ATP8B3: variants seen among roughly 807,000 people sequenced by gnomAD.
ATP8B3 encodes ATPase phospholipid transporting 8B3.
Under a neutral mutation model 140.9 loss-of-function variants are expected in ATP8B3, and 141 were observed. That is an observed-to-expected ratio of 1.00 (90% CI 0.87 to 1.15). ATP8B3 has a LOEUF of 1.15. ATP8B3 is among the 50% of genes most tolerant of loss of function. The pLI, the probability that ATP8B3 is intolerant of heterozygous loss-of-function variation, is 0.00. For missense variants in ATP8B3, 1,874 were observed against 1,740.6 expected (o/e 1.08, Z -1.36); for synonymous variants, 765 against 714.6 (o/e 1.07, Z -1.13).
chr19:1,808,226 A>G lies in ATP8B3; in HGVS notation c.512T>C (p.Leu171Pro). 6.2e-7 allele frequency: 1 copy of G among 1,609,574 alleles called. No individual in the cohort carries two copies. Among genetic ancestry groups the G allele is most frequent in the Non-Finnish European group, 8.5e-7 (1 of 1,177,042 alleles). Residue 171 changes from leucine to proline, a missense_variant, in exon 5 of 29, where the codon CTG (leucine) becomes CCG (proline). By Grantham distance (98) the Leu-to-Pro change is moderately conservative. This residue lies in a region of ATP8B3 where 1,032 missense variants were observed against 963.6 expected (regional missense o/e 1.07). Transcript: ENST00000310127. ...SNLFFLIIII[L>P]QSIPDISTLP... ...GGAGGAGGCAACACGCCTCACCTGC[A>G]GGATGATGATGATGAGGAAGAACAG...
chr19:1,790,009 G>C lies in ATP8B3; in HGVS notation c.2379-20C>G. 1 of 1,584,836 alleles carries C rather than the reference G, an allele frequency of 6.3e-7. No homozygotes were observed. Among genetic ancestry groups the C allele is most frequent in the Non-Finnish European group, 8.6e-7 (1 of 1,156,494 alleles). On this transcript the variant is annotated intron_variant, in intron 21 of 28. Transcript: ENST00000310127. ...ATGCGGCTGCGGGGCGCAGGGGTCA[G>C]CGGGGCAGGGGAGGGGGCGGGCTTC...
rs774574577 is a variant in ATP8B3 at position 1,802,484 on chromosome 19, T to G, written c.1063+3A>C. On this transcript the variant is annotated splice_donor_region_variant and intron_variant, in intron 11 of 28. Coordinates refer to ENST00000310127, the MANE Select transcript of ATP8B3 (RefSeq NM_138813.4). ...CCACTCCAGGACCCTGGAGCAGCCGTACCAGCATAAATGACCAGTCCATAG... is the reference window on the plus strand; with the variant it reads ...CCACTCCAGGACCCTGGAGCAGCCGGACCAGCATAAATGACCAGTCCATAG... 20 of 1,346,314 alleles carry G rather than the reference T, an allele frequency of 1.5e-5. No homozygotes were observed. In the South Asian group the frequency reaches 2.3e-4, roughly 15 times the overall value. The allele number at this position is 1,346,314 out of a possible 1,614,324, so 83.4% of individuals were successfully genotyped here.
rs1472283257 is a variant in ATP8B3, at chr19:1,806,030, C to T, written c.750+67G>A. 6.2e-7 allele frequency: 1 copy of T among 1,605,424 alleles called. No individual in the cohort carries two copies. The highest frequency in any genetic ancestry group is 8.5e-7 in the Non-Finnish European group (1 of 1,175,730). On this transcript the variant is annotated intron_variant, in intron 8 of 28. Coordinates refer to ENST00000310127, the MANE Select transcript of ATP8B3 (RefSeq NM_138813.4). The surrounding 1 kb of genome is among the most constrained non-coding windows in gnomAD (Gnocchi z 5.6). ...ATTGGGGGTGCGGCAGCCCTCCCCA[C>T]CCTGGGAGGGGTGCTCTCGGTGAGG...
chr19:1,797,074 C>A (rs994356473), intron 14 of ATP8B3, 69 bp from the exon 15 acceptor site: 10 of 1,604,864 alleles, frequency 6.2e-6, no homozygotes, highest in Non-Finnish European at 8.5e-6. Flanking sequence ...TAGCCCCTGA[C>A]CCCTAGTTTC....
intron 20 of ATP8B3, 89 bp downstream of exon 20, chr19:1,791,660 TG>T: frequency 9.8e-7 from 1 of 1,023,492 alleles, no homozygotes; most frequent in Non-Finnish European, 1.5e-6. Context: ...CCCAAAGTGC[TG>T]GGATGACAGG....
At chr19:1,808,913 C>T (rs1202952551) in intron 4 of ATP8B3, among the ~76,000 whole-genome samples, 1 of 152,190 alleles carries the variant, frequency 6.6e-6, no homozygotes, top group Non-Finnish European at 1.5e-5. Context: ...TGGCTCACCC[C>T]TGTAATCCCA....
rs182855776 is a variant in ATP8B3, at chr19:1,795,925, G to A, written c.2005C>T (p.Arg669Cys). 1.7e-4 allele frequency: 277 copies of A among 1,613,068 alleles called. No individual in the cohort carries two copies. In the African/African-American group the frequency reaches 3.0e-3, roughly 17 times the overall value. Residue 669 changes from arginine (R) to cysteine (C), a missense_variant, in exon 18 of 29, where the codon CGC (arginine) becomes TGC (cysteine). Physicochemically the swap from Arg to Cys is radical, Grantham distance 180. This residue lies in a region of ATP8B3 where 1,032 missense variants were observed against 963.6 expected (regional missense o/e 1.07). Transcript: ENST00000310127. ...TCCATTGCCCCCCTCCTGTGCAAGC[G>A]TTCGAAGATGACCGTGTCGGCGCCC... ...TKGADTVIFE[R>C]LHRRGAMEFA... is the part of the protein sequence containing the mutation.
chr19:1,806,221 C>A lies in ATP8B3; in HGVS notation c.678-52G>T. On this transcript the variant is annotated intron_variant, in intron 7 of 28. Transcript: ENST00000310127. The surrounding 1 kb of genome is among the most constrained non-coding windows in gnomAD (Gnocchi z 5.6). ...GGCCCCTCCCTCTGCCAACCCTCCC[C>A]ACACCGGGAGACCAGAGGCACGGGA... 6.5e-7 allele frequency: 1 copy of A among 1,549,868 alleles called. No individual in the cohort carries two copies.
In ATP8B3 at chr19:1,790,815, C is replaced by T. The variant is rs201272236; in HGVS notation, c.2320G>A (p.Gly774Ser). 167 of 1,602,992 alleles carry T rather than the reference C, an allele frequency of 1.0e-4. No homozygotes were observed. Among genetic ancestry groups the T allele is most frequent in the Non-Finnish European group, 1.4e-4 (162 of 1,175,962 alleles). ...TCTGACAGCAGCTCGCAGGCGAAGCCGATGTTCACAGCCGTTTCTGCGAAG... is the reference window on the plus strand; with the variant it reads ...TCTGACAGCAGCTCGCAGGCGAAGCTGATGTTCACAGCCGTTTCTGCGAAG... The part of the protein sequence containing the change: ...GDKQETAVNI[G>S]FACELLSENM... Residue 774 changes from glycine (G) to serine (S), a missense_variant, in exon 21 of 29, where the codon GGC (glycine) becomes AGC (serine). Physicochemically the swap from Gly to Ser is moderately conservative, Grantham distance 56. Transcript: ENST00000310127.
In ATP8B3 at chr19:1,782,851, G is replaced by C. The variant is rs542661585; in HGVS notation, c.*177C>G. On this transcript the variant is annotated 3_prime_UTR_variant, in exon 29 of 29. Transcript: ENST00000310127. ...GCTCTTGGAAAGACTCAGATAGCCTGTTGCTGCTGGTGAGCACATATTTGG... is the reference window on the plus strand; with the variant it reads ...GCTCTTGGAAAGACTCAGATAGCCTCTTGCTGCTGGTGAGCACATATTTGG... The C allele has an allele frequency of 2.4e-4, 190 of 786,220 alleles. No homozygotes were observed. In the African/African-American group the frequency reaches 3.1e-3, roughly 13 times the overall value. 48.7% of individuals were successfully genotyped at this position (786,220 alleles called of 1,614,324 possible). A position where few individuals can be genotyped will look rare whatever the true frequency, so the allele number is the denominator to read the frequency against.
chr19:1,795,860 C>A lies in ATP8B3; in HGVS notation c.2055+15G>T. 1 of 1,577,438 alleles carries A rather than the reference C, an allele frequency of 6.3e-7. No homozygotes were observed. The highest frequency in any genetic ancestry group is 8.7e-7 in the Non-Finnish European group (1 of 1,152,838). ...ACACACACACACATAAGCCAGCCTT[C>A]CTGAAGGGACTCACAGCCAAGGCCT... On this transcript the variant is annotated intron_variant, in intron 18 of 28. Transcript: ENST00000310127.
rs948109449 is a variant in ATP8B3, at chr19:1,784,977, T to C, written c.3533-31A>G. 3.2e-6 allele frequency: 5 copies of C among 1,586,582 alleles called. No homozygotes were observed. The African/African-American group carries it at 5.4e-5, about 17-fold the overall frequency. ...GACAGGGCGGGGTCACAGCAGAGCC[T>C]ACCCCCAGCTCCAAGGATGCCCCCA... On this transcript the variant is annotated intron_variant, in intron 27 of 28. Coordinates refer to ENST00000310127, the MANE Select transcript of ATP8B3 (RefSeq NM_138813.4).
intron 19 of ATP8B3, 49 bp downstream of exon 19, chr19:1,791,952 G>GCC: frequency 3.3e-6 from 4 of 1,208,612 alleles, no homozygotes; most frequent in Non-Finnish European, 4.7e-6. Context: ...CCCCTTGGGT[G>GCC]CCCCCGCTGC....
Position 1,807,577 on chromosome 19 carries a change from C to G in ATP8B3, c.517-311G>C, listed in dbSNP as rs766530585. ...CCAAGCTTGGCCGCCACTGCTCCCC[C>G]TCCCTCCCATGTCCCTGCTTCCCCA... On this transcript the variant is annotated intron_variant, in intron 5 of 28. Coordinates refer to ENST00000310127, the MANE Select transcript of ATP8B3 (RefSeq NM_138813.4). This position sits in a 1 kb window ranked among gnomAD's most constrained non-coding sequence, Gnocchi z 5.9. Among the ~76,000 whole-genome samples, 102 of 152,254 alleles carry G rather than the reference C, an allele frequency of 6.7e-4. 1 individual carries two copies. Among genetic ancestry groups the G allele is most frequent in the Admixed American group, 1.3e-4 (2 of 15,284 alleles).
chr19:1,808,127 G>T, intron 5 of ATP8B3, 95 bp downstream of exon 5: 2 of 981,374 alleles, frequency 2.0e-6, no homozygotes, highest in Non-Finnish European at 3.1e-6. Flanking sequence ...CCAGTCTGTG[G>T]GGAGTGGGAC....
At chr19:1,799,846 G>T (rs148438298) in intron 14 of ATP8B3, 101 bp downstream of exon 14, 7 of 1,198,822 alleles carry the variant, frequency 5.8e-6, no homozygotes, top group Non-Finnish European at 8.3e-6. Context: ...GATTCGGGCG[G>T]AGGTGCTGGG....
At chr19:1,797,045 C>G in intron 14 of ATP8B3, 40 bp from the exon 15 acceptor site, 1 of 1,612,438 alleles carries the variant, frequency 6.2e-7, no homozygotes, top group Non-Finnish European at 8.5e-7. Flanking sequence ...CTCCCACAGG[C>G]CCCCCATTCG....
chr19:1,809,594 T>C, intron 4 of ATP8B3, 49 bp downstream of exon 4: 5 of 1,503,088 alleles, frequency 3.3e-6, no homozygotes, highest in Non-Finnish European at 4.5e-6. Context: ...TCCCCGAGGG[T>C]ACCACGGCAG....
chr19:1,790,782 G>A lies in ATP8B3; in HGVS notation c.2353C>T (p.Leu785Phe). The change falls in exon 21 of 29, where the codon CTC (leucine) becomes TTC (phenylalanine). Residue 785 changes from leucine (L) to phenylalanine (F), a missense_variant. Around this residue, in one of 3 missense-constraint regions of ATP8B3, gnomAD observed 840 missense variants for 760.9 expected, o/e 1.10. Transcript: ENST00000310127. The part of the protein sequence containing the change: ...FACELLSENM[L>F]ILEEKEISRI... ...CTAATCTCCTTCTCCTCCAGAATGA[G>A]CATATTCTCTGACAGCAGCTCGCAG... The A allele has an allele frequency of 6.2e-7, 1 of 1,605,966 alleles. No individual in the cohort carries two copies.
Sources: gnomAD v4.1 joint callset for allele counts (sites outside exome capture counted in the v4.1 genomes callset) on GRCh38, gnomAD v4.1.1 for gene constraint, gnomAD v4.1.1 regional missense constraint, Gnocchi (gnomAD v3.1) non-coding constraint, MANE v1.5 for transcripts, NCBI Gene and HGNC (gene_info 2026-07-23, HGNC 2026-07-21) for gene names.